The following PKN2 variants were observed in gnomAD, a reference collection of about 807,000 sequenced individuals.
PKN2 encodes serine/threonine-protein kinase N2.
PKN2 carries 38 observed loss-of-function variants against 119.1 expected under a neutral mutation model. The observed-to-expected ratio is 0.32, with a 90% CI of 0.25 to 0.42. The LOEUF (loss-of-function observed/expected upper bound fraction) is 0.42, where lower values mean the gene tolerates loss of function less well. Among genes scored for constraint, PKN2 ranks in the 10% least tolerant of loss-of-function variants. The pLI is 1.00. For missense variants in PKN2, 850 were observed against 1,165.1 expected (o/e 0.73, Z 3.94); for synonymous variants, 390 against 384.9 (o/e 1.01, Z -0.15).
chr1:88,760,594 T>C (rs1669403561), intron 3 of PKN2, among the ~76,000 whole-genome samples: 1 of 152,192 alleles, frequency 6.6e-6, no homozygotes, highest in Non-Finnish European at 1.5e-5. Context: ...GATTTTGCCT[T>C]CTTAAGCTAT....
At chr1:88,708,523 G>A (rs1667093287) in intron 1 of PKN2, among the ~76,000 whole-genome samples, 1 of 149,800 alleles carries the variant, frequency 6.7e-6, no homozygotes, top group Non-Finnish European at 1.5e-5. Context: ...ATGTAGTTTA[G>A]TTTTATTATA....
At position 88,741,032 on chromosome 1, in the gene PKN2, T is replaced by A. The variant is rs767428338; in HGVS notation, c.93T>A (p.Val31=). 2 of 1,593,100 alleles carry A rather than the reference T, an allele frequency of 1.3e-6. No individual in the cohort carries two copies. The highest frequency in any genetic ancestry group is 3.7e-5 in the Admixed American group (2 of 54,298). Residue 31 remains valine, a synonymous_variant, in exon 2 of 22, where the codon GTT becomes GTA. Transcript: ENST00000370521. The stretch of plus-strand genomic sequence containing the variant: ...CGTTTTCTGAGAATGTGAGTGCTGT[T>A]CAAAAATTAGACTTTTCAGATACAA... ...SLPFSENVSA[V]QKLDFSDTMV...
intron 1 of PKN2, among the ~76,000 whole-genome samples, chr1:88,738,640 C>T (rs1668453207): frequency 6.6e-6 from 1 of 152,154 alleles, no homozygotes; most frequent in South Asian, 2.1e-4. Context: ...GAATAATTTC[C>T]TGAGATATTA....
intron 1 of PKN2, among the ~76,000 whole-genome samples, chr1:88,737,092 G>A (rs1668378903): frequency 6.6e-6 from 1 of 152,154 alleles, no homozygotes; most frequent in Non-Finnish European, 1.5e-5. Flanking sequence ...AAGGGGTGGA[G>A]CAGGCAGTAT....
chr1:88,809,298 TAAAGCAAGTCTTTGATCCCACC>T (rs879731709), intron 15 of PKN2, among the ~76,000 whole-genome samples: 2 of 152,184 alleles, frequency 1.3e-5, no homozygotes, highest in African/African-American at 4.8e-5. Context: ...AGCAGATAAT[TAAAGCAAGTCTTTGATCCCACC>T]AAAGCAAGTC....
rs1418899149 is a variant in PKN2 at position 88,834,637 on chromosome 1, CTA to C, written c.*1193_*1194del. 2 of 152,278 alleles carry C rather than the reference CTA, an allele frequency of 1.3e-5. No individual in the cohort carries two copies. The highest frequency in any genetic ancestry group is 2.1e-4 in the South Asian group (1 of 4,816). 9.4% of individuals were successfully genotyped at this position (152,278 alleles called of 1,614,324 possible). On this transcript the variant is annotated 3_prime_UTR_variant, in exon 22 of 22. Coordinates refer to ENST00000370521, the MANE Select transcript of PKN2 (RefSeq NM_006256.4). ...GTATAAATATTTTTGATAAAACAGT[CTA>C]TATTTTATTAAAAAATGAATTATAA...
intron 6 of PKN2, among the ~76,000 whole-genome samples, chr1:88,781,999 A>G (rs1198555661): frequency 1.3e-5 from 2 of 152,182 alleles, no homozygotes; most frequent in Non-Finnish European, 2.9e-5. Flanking sequence ...TACATACCAT[A>G]GAATTCACTC....
chr1:88,806,576 C>T (rs1671549567), intron 12 of PKN2, among the ~76,000 whole-genome samples: 4 of 152,172 alleles, frequency 2.6e-5, no homozygotes, highest in Admixed American at 2.6e-4. Flanking sequence ...TCTGGATGCT[C>T]ATGGTCCAGA....
chr1:88,775,876 C>G (rs58952393), intron 6 of PKN2, among the ~76,000 whole-genome samples: 2 of 151,966 alleles, frequency 1.3e-5, no homozygotes, highest in African/African-American at 4.8e-5. Flanking sequence ...GAGGCCGAGG[C>G]GGGTGGATCA....
intron 2 of PKN2, among the ~76,000 whole-genome samples, chr1:88,755,644 T>G (rs543995278): frequency 6.6e-6 from 1 of 152,294 alleles, no homozygotes; most frequent in African/African-American, 2.4e-5. Context: ...CTGAGCACTA[T>G]ATAGGCTTTA....
chr1:88,696,954 A>G (rs1303953204), intron 1 of PKN2, among the ~76,000 whole-genome samples: 1 of 152,148 alleles, frequency 6.6e-6, no homozygotes, highest in Non-Finnish European at 1.5e-5. Flanking sequence ...TCTGGTTTTA[A>G]GAATACTAAT....
At chr1:88,760,072 T>G in intron 2 of PKN2, 150 bp from the exon 3 acceptor site, 1 of 435,966 alleles carries the variant, frequency 2.3e-6, no homozygotes, top group Non-Finnish European at 4.1e-6. Context: ...CATGAATTGG[T>G]TGAATTCATG....
chr1:88,758,963 A>G (rs528051646), intron 2 of PKN2, among the ~76,000 whole-genome samples: 1 of 152,290 alleles, frequency 6.6e-6, no homozygotes, highest in East Asian at 1.9e-4. Context: ...GAATCTCCAC[A>G]CTGTCTTCCA....
chr1:88,783,055 G>T (rs533825996), intron 6 of PKN2, among the ~76,000 whole-genome samples: 1 of 152,166 alleles, frequency 6.6e-6, no homozygotes, highest in Non-Finnish European at 1.5e-5. Context: ...ATTTTCTTCA[G>T]TGCCTCATGA....
At chr1:88,727,042 A>G (rs981027297) in intron 1 of PKN2, among the ~76,000 whole-genome samples, 3 of 152,062 alleles carry the variant, frequency 2.0e-5, no homozygotes, top group African/African-American at 7.2e-5. Flanking sequence ...TGAAGTCCCC[A>G]ACTATAATTG....
intron 19 of PKN2, chr1:88,829,131 A>C (rs1672627968): frequency 1.4e-6 from 1 of 736,422 alleles, no homozygotes; most frequent in South Asian, 1.4e-5. Flanking sequence ...AACCTATGGT[A>C]GCTGTGAAGG....
chr1:88,788,971 A>G (rs1197615508), intron 8 of PKN2, among the ~76,000 whole-genome samples: 1 of 152,196 alleles, frequency 6.6e-6, no homozygotes, highest in Non-Finnish European at 1.5e-5. Flanking sequence ...CCTTTCCTTT[A>G]GAATAACGTT....
intron 1 of PKN2, among the ~76,000 whole-genome samples, chr1:88,693,353 T>C (rs1666405685): frequency 6.6e-6 from 1 of 152,188 alleles, no homozygotes. Context: ...AAACTCGGAA[T>C]CCTAAATACA....
chr1:88,762,102 A>G (rs1669471346), intron 3 of PKN2, among the ~76,000 whole-genome samples: 1 of 152,162 alleles, frequency 6.6e-6, no homozygotes, highest in East Asian at 1.9e-4. Context: ...GTGTATGTTG[A>G]TAGTTGTATG....
Sources: allele counts gnomAD v4.1 joint callset (sites outside exome capture counted in the v4.1 genomes callset), GRCh38; gene constraint gnomAD v4.1.1; transcripts MANE v1.5; gene names NCBI Gene and HGNC (gene_info 2026-07-23, HGNC 2026-07-21).